The following RPGRIP1L variants were observed in gnomAD, a reference collection of about 807,000 sequenced individuals.
RPGRIP1L encodes RPGRIP1 like.
Under a neutral mutation model 160.4 loss-of-function variants are expected in RPGRIP1L, and 131 were observed. The observed-to-expected ratio is 0.82, with a 90% CI of 0.71 to 0.94. RPGRIP1L has a LOEUF of 0.94. RPGRIP1L is among the 40% of genes least tolerant of loss of function. RPGRIP1L has a pLI of 0.00. For missense variants in RPGRIP1L, 1,522 were observed against 1,535.8 expected, an observed-to-expected ratio of 0.99 and a Z score of 0.15; for synonymous variants, 510 against 515.8, an observed-to-expected ratio of 0.99 and a Z score of 0.15.
At chr16:53,695,883 C>A (rs550913776) in intron 3 of RPGRIP1L, 4 of 350,626 alleles carry the variant, frequency 1.1e-5, no homozygotes, top group East Asian at 6.1e-5. Context: ...AATATTAAAC[C>A]AAAAGTTATT....
rs1970740052 is a variant in RPGRIP1L at position 53,696,144 on chromosome 16, T to C, written c.230+7A>G. On this transcript the variant is annotated splice_region_variant and intron_variant, in intron 3 of 26. Coordinates refer to ENST00000647211, the MANE Select transcript of RPGRIP1L (RefSeq NM_015272.5). Reference sequence around the variant, plus strand: ...AAGAAAAAAAGCTAAAAGCTTTTTATCATAACCTTTTAATTTTATCCTCCT... The same window carrying C: ...AAGAAAAAAAGCTAAAAGCTTTTTACCATAACCTTTTAATTTTATCCTCCT... 1.1e-5 allele frequency: 18 copies of C among 1,613,572 alleles called. No homozygotes were observed. Among genetic ancestry groups the C allele is most frequent in the Non-Finnish European group, 1.4e-5 (17 of 1,179,736 alleles).
At chr16:53,700,869 TGAAAG>T in intron 1 of RPGRIP1L, 139 bp from the exon 2 acceptor site, 1 of 708,804 alleles carries the variant, frequency 1.4e-6, no homozygotes, top group Non-Finnish European at 2.6e-6. Flanking sequence ...TTGGAGAAGA[TGAAAG>T]CTTCTATTCT....
intron 3 of RPGRIP1L, chr16:53,695,555 C>T: frequency 1.6e-6 from 1 of 614,654 alleles, no homozygotes; most frequent in Non-Finnish European, 2.9e-6. Context: ...CACAGCATTT[C>T]TGAATAAAAA....
rs1366276307 is a variant in RPGRIP1L at position 53,622,309 on chromosome 16, A to C, written c.3342T>G (p.Ala1114=). The change falls in exon 23 of 27, where the codon GCT becomes GCG. Residue 1114 remains alanine (A), a synonymous_variant. Coordinates refer to ENST00000647211, the MANE Select transcript of RPGRIP1L (RefSeq NM_015272.5). ...AACCCGGGAGGCGGAAGTTGCAGTGAGCTGAGATCGCGCTACTGCACCCCA... is the reference window on the plus strand; with the variant it reads ...AACCCGGGAGGCGGAAGTTGCAGTGCGCTGAGATCGCGCTACTGCACCCCA... ...PGLGCSSAIS[A]HCNFRLPGSS... is the part of the protein sequence containing the mutation. 1.5e-6 allele frequency: 1 copy of C among 656,022 alleles called. No individual in the cohort carries two copies. The highest frequency in any genetic ancestry group is 2.8e-6 in the Non-Finnish European group (1 of 356,844). 40.6% of individuals were successfully genotyped at this position (656,022 alleles called of 1,614,324 possible).
intron 6 of RPGRIP1L, among the ~76,000 whole-genome samples, chr16:53,678,120 A>G (rs2151276214): frequency 1.3e-5 from 2 of 151,654 alleles, no homozygotes; most frequent in East Asian, 4.0e-4. Flanking sequence ...TGGAAAATGC[A>G]GTTTCTTTTC....
intron 23 of RPGRIP1L, among the ~76,000 whole-genome samples, chr16:53,621,783 G>A (rs917241895): frequency 2.6e-5 from 4 of 152,076 alleles, no homozygotes; most frequent in South Asian, 2.1e-4. Flanking sequence ...AGCACTTTGG[G>A]AGGCTGAGGT....
At chr16:53,617,257 T>TCTCAATAGACAATTA (rs1964444267) in intron 24 of RPGRIP1L, among the ~76,000 whole-genome samples, 1 of 152,028 alleles carries the variant, frequency 6.6e-6, no homozygotes, top group Non-Finnish European at 1.5e-5. Flanking sequence ...TGGCCAAGTT[T>TCTCAATAGACAATTA]CTCAATAGAC....
At chr16:53,631,673 TAATAA>T (rs3035256) in intron 22 of RPGRIP1L, among the ~76,000 whole-genome samples, 4,810 of 152,276 alleles carry the variant, frequency 0.032, 244 homozygotes, top group Admixed American at 0.14. Context: ...TTATTCAAAT[TAATAA>T]AATATTCATA....
chr16:53,695,465 C>T (rs1424512448), intron 3 of RPGRIP1L: 2 of 702,616 alleles, frequency 2.8e-6, no homozygotes, highest in African/African-American at 3.5e-5. Flanking sequence ...GAACCTAGAA[C>T]ATAAATATGA....
At chr16:53,602,518 G>T (rs2150910501) in intron 26 of RPGRIP1L, among the ~76,000 whole-genome samples, 1 of 152,300 alleles carries the variant, frequency 6.6e-6, no homozygotes, top group African/African-American at 2.4e-5. Context: ...GCTCATGCCT[G>T]TAATCTCAGC....
intron 22 of RPGRIP1L, among the ~76,000 whole-genome samples, chr16:53,625,015 C>G (rs1195206816): frequency 2.6e-5 from 4 of 152,192 alleles, no homozygotes; most frequent in Non-Finnish European, 5.9e-5. Context: ...ATCTGCCCAC[C>G]TTGGCCTCCC....
Position 53,639,697 on chromosome 16 carries a change from C to T in RPGRIP1L, c.2959-1286G>A, listed in dbSNP as rs575981979. ...TTAACCTCTCTAAACATCACTTTCCCTATCTTTAAACGGGAATAATTCTAG... is the reference window on the plus strand; with the variant it reads ...TTAACCTCTCTAAACATCACTTTCCTTATCTTTAAACGGGAATAATTCTAG... On this transcript the variant is annotated intron_variant, in intron 19 of 26. Coordinates refer to ENST00000647211, the MANE Select transcript of RPGRIP1L (RefSeq NM_015272.5). Among the ~76,000 whole-genome samples the T allele has an allele frequency of 3.9e-5, 6 of 152,236 alleles. No individual in the cohort carries two copies. In the South Asian group the frequency reaches 1.2e-3, roughly 32 times the overall value.
At chr16:53,698,529 C>T (rs528918743) in intron 2 of RPGRIP1L, among the ~76,000 whole-genome samples, 3 of 146,128 alleles carry the variant, frequency 2.1e-5, no homozygotes, top group African/African-American at 7.8e-5. Context: ...GCCGCCCCGT[C>T]TGGGAGGGAG....
chr16:53,628,410 C>T (rs970265918), intron 22 of RPGRIP1L: 3 of 152,110 alleles, frequency 2.0e-5, no homozygotes, highest in African/African-American at 7.2e-5. Context: ...TACAAGTTCC[C>T]TTCTTCAGGC....
At chr16:53,675,394 G>C (rs1347343692) in intron 6 of RPGRIP1L, among the ~76,000 whole-genome samples, 1 of 152,020 alleles carries the variant, frequency 6.6e-6, no homozygotes, top group African/African-American at 2.4e-5. Context: ...CTCTACAATT[G>C]ATAATATGGA....
Position 53,635,032 on chromosome 16 carries a change from G to A in RPGRIP1L, c.3294+1407C>T, listed in dbSNP as rs1219733626. 4.6e-5 allele frequency among the ~76,000 whole-genome samples: 7 copies of A among 152,204 alleles called. No individual in the cohort carries two copies. In the South Asian group the frequency reaches 6.2e-4, roughly 14 times the overall value. On this transcript the variant is annotated intron_variant, in intron 22 of 26. Transcript: ENST00000647211. ...AAATTTTGGAATGGTAGTGAAGACCGTATCAGGCTGTAGCAAAGTAAGACA... is the reference window on the plus strand; with the variant it reads ...AAATTTTGGAATGGTAGTGAAGACCATATCAGGCTGTAGCAAAGTAAGACA...
At chr16:53,649,183 C>T in intron 15 of RPGRIP1L, 68 bp from the exon 16 acceptor site, 3 of 1,275,976 alleles carry the variant, frequency 2.4e-6, no homozygotes, top group Non-Finnish European at 1.1e-6. Flanking sequence ...AGTAAAAATA[C>T]ATCAATGGCA....
chr16:53,646,976 G>A (rs989966132), intron 16 of RPGRIP1L, among the ~76,000 whole-genome samples: 2 of 152,110 alleles, frequency 1.3e-5, no homozygotes, highest in Admixed American at 1.3e-4. Flanking sequence ...TGAGAGGAAT[G>A]ACTGAAAAAG....
At chr16:53,687,726 T>C (rs1970116739) in intron 5 of RPGRIP1L, 137 bp downstream of exon 5, 2 of 652,274 alleles carry the variant, frequency 3.1e-6, no homozygotes, top group Admixed American at 2.6e-5. Flanking sequence ...ATATAACATC[T>C]GTTGTTACCC....
Sources: allele counts gnomAD v4.1 joint callset (sites outside exome capture counted in the v4.1 genomes callset), GRCh38; gene constraint gnomAD v4.1.1; transcripts MANE v1.5; gene names NCBI Gene and HGNC (gene_info 2026-07-23, HGNC 2026-07-21).